Variants in INO80D observed in about 807,000 individuals in gnomAD.
INO80D encodes INO80 complex subunit D.
INO80D carries 21 observed loss-of-function variants against 87.6 expected under a neutral mutation model. That is an observed-to-expected ratio of 0.24 (90% CI 0.17 to 0.35). The LOEUF is 0.35. Ranked by LOEUF, INO80D falls within the 10% of genes least tolerant of loss-of-function variation. INO80D has a pLI of 1.00. For missense variants in INO80D, 982 were observed against 1,280.7 expected (o/e 0.77, Z 3.56); for synonymous variants, 440 against 491.0 (o/e 0.90, Z 1.37).
At position 206,028,029 on chromosome 2, in the gene INO80D, A is replaced by G; in HGVS notation, c.1298+82T>C. ...GTTTAGGACTTAGTGGTCATCTCCC[A>G]CTGTGCCTCAACTATCCTCTCACAA... is the stretch of plus-strand genomic sequence containing the variant. On this transcript the variant is annotated intron_variant, in intron 6 of 10. Coordinates refer to ENST00000403263, the MANE Select transcript of INO80D (RefSeq NM_017759.5). The G allele has an allele frequency of 5.3e-6, 5 of 941,194 alleles. No individual in the cohort carries two copies. The South Asian group carries it at 9.9e-5, about 19-fold the overall frequency. The allele number at this position is 941,194 out of a possible 1,614,324, so 58.3% of individuals were successfully genotyped here. A position where few individuals can be genotyped will look rare whatever the true frequency, so the allele number is the denominator to read the frequency against.
Position 205,999,497 on chromosome 2 carries a change from C to T in INO80D, c.*4871G>A, listed in dbSNP as rs1243643230. 1 of 152,168 alleles carries T rather than the reference C, an allele frequency of 6.6e-6. No homozygotes were observed. The highest frequency in any genetic ancestry group is 1.5e-5 in the Non-Finnish European group (1 of 68,034). 9.4% of individuals were successfully genotyped at this position (152,168 alleles called of 1,614,324 possible). ...AAGTCATACCCAATTTGCTTGCTCTCTCTCTGAAACGTCACATTTCCTCTT... is the reference window on the plus strand; with the variant it reads ...AAGTCATACCCAATTTGCTTGCTCTTTCTCTGAAACGTCACATTTCCTCTT... On this transcript the variant is annotated 3_prime_UTR_variant, in exon 11 of 11. Coordinates refer to ENST00000403263, the MANE Select transcript of INO80D (RefSeq NM_017759.5).
rs1041895977 is a variant in INO80D, at chr2:205,996,486, G to A, written c.*7882C>T. 6.6e-6 allele frequency: 1 copy of A among 151,962 alleles called. No homozygotes were observed. The highest frequency in any genetic ancestry group is 2.4e-5 in the African/African-American group (1 of 41,392). 9.4% of individuals were successfully genotyped at this position (151,962 alleles called of 1,614,324 possible). A position where few individuals can be genotyped will look rare whatever the true frequency, so the allele number is the denominator to read the frequency against. Reference sequence around the variant, plus strand: ...AAGGACTTCCATTTTAGTATGTTCTGATGATGTACTCTAGACTGTCACCTC... The same window carrying A: ...AAGGACTTCCATTTTAGTATGTTCTAATGATGTACTCTAGACTGTCACCTC... On this transcript the variant is annotated 3_prime_UTR_variant, in exon 11 of 11. Coordinates refer to ENST00000403263, the MANE Select transcript of INO80D (RefSeq NM_017759.5).
intron 5 of INO80D, among the ~76,000 whole-genome samples, chr2:206,028,893 T>G (rs548651419): frequency 6.2e-5 from 9 of 144,138 alleles, no homozygotes; most frequent in African/African-American, 2.0e-4. Flanking sequence ...TGTTTTTTTG[T>G]TTTTTTTTTT....
At chr2:206,008,282 C>CTTT (rs376619981) in intron 9 of INO80D, among the ~76,000 whole-genome samples, 2 of 121,194 alleles carry the variant, frequency 1.7e-5, no homozygotes, top group African/African-American at 3.1e-5. Flanking sequence ...CCATGCCTTG[C>CTTT]TTTTTTTTTT....
chr2:206,048,977 G>C (rs1287125485), intron 4 of INO80D, among the ~76,000 whole-genome samples: 2 of 152,202 alleles, frequency 1.3e-5, no homozygotes, highest in African/African-American at 4.8e-5. Flanking sequence ...AAGTGTAACA[G>C]TATGTGGGAC....
At chr2:206,074,478 T>C (rs1172146824) in intron 1 of INO80D, among the ~76,000 whole-genome samples, 1 of 152,104 alleles carries the variant, frequency 6.6e-6, no homozygotes, top group Non-Finnish European at 1.5e-5. Context: ...CCGGGCATGA[T>C]TGCGGGTGCC....
At chr2:206,069,478 G>A (rs1178522509) in intron 1 of INO80D, among the ~76,000 whole-genome samples, 1 of 152,138 alleles carries the variant, frequency 6.6e-6, no homozygotes, top group Admixed American at 6.6e-5. Context: ...AAGTGTGGTG[G>A]CTCATGCCTG....
rs1178013647 is a variant in INO80D, at chr2:205,994,266, G to A, written c.*10102C>T. On this transcript the variant is annotated 3_prime_UTR_variant, in exon 11 of 11. Coordinates refer to ENST00000403263, the MANE Select transcript of INO80D (RefSeq NM_017759.5). The stretch of plus-strand genomic sequence containing the variant: ...TTGTCAGTTTGTAAGTTCCCTTTAA[G>A]CGGCTTTTATATTTTTGTATTTATT... 1 of 152,198 alleles carries A rather than the reference G, an allele frequency of 6.6e-6. No individual in the cohort carries two copies. The highest frequency in any genetic ancestry group is 1.5e-5 in the Non-Finnish European group (1 of 68,042). The allele number at this position is 152,198 out of a possible 1,614,324, so 9.4% of individuals were successfully genotyped here. A position where few individuals can be genotyped will look rare whatever the true frequency, so the allele number is the denominator to read the frequency against.
Position 206,043,069 on chromosome 2 carries a change from T to C in INO80D, c.1073+3435A>G, listed in dbSNP as rs370128956. Among the ~76,000 whole-genome samples the C allele has an allele frequency of 1.3e-4, 20 of 152,372 alleles. No homozygotes were observed. The East Asian group carries it at 1.9e-3, about 15-fold the overall frequency. On this transcript the variant is annotated intron_variant, in intron 5 of 10. Coordinates refer to ENST00000403263, the MANE Select transcript of INO80D (RefSeq NM_017759.5). ...GGCACAAATTTGGTGGCCAGACAACTGTCAGTTTTCTTTTAAAAACTCAAT... is the reference window on the plus strand; with the variant it reads ...GGCACAAATTTGGTGGCCAGACAACCGTCAGTTTTCTTTTAAAAACTCAAT...
At chr2:206,025,745 A>G (rs1279375990) in intron 6 of INO80D, 1 of 151,656 alleles carries the variant, frequency 6.6e-6, no homozygotes, top group African/African-American at 2.4e-5. Flanking sequence ...AATAAACTCA[A>G]TAAAGAAGCT....
chr2:206,025,554 T>A lies in INO80D; in HGVS notation c.1298+2557A>T, dbSNP rs1251848398. 658 of 124,086 alleles carry A rather than the reference T, an allele frequency of 5.3e-3. 9 individuals carry two copies. The highest frequency in any genetic ancestry group is 8.5e-3 in the Non-Finnish European group (491 of 57,646). 7.7% of individuals were successfully genotyped at this position (124,086 alleles called of 1,614,324 possible). On this transcript the variant is annotated intron_variant, in intron 6 of 10. Coordinates refer to ENST00000403263, the MANE Select transcript of INO80D (RefSeq NM_017759.5). Reference sequence around the variant, plus strand: ...AAAAAAAAAAAAAAATATATATATATATATATATATATATAAAATAACTAA... The same window carrying A: ...AAAAAAAAAAAAAAATATATATATAAATATATATATATATAAAATAACTAA...
intron 6 of INO80D, among the ~76,000 whole-genome samples, chr2:206,021,958 A>G (rs1688476726): frequency 6.6e-6 from 1 of 152,146 alleles, no homozygotes; most frequent in African/African-American, 2.4e-5. Flanking sequence ...CCGCTCAGCT[A>G]TCTTCAAAGA....
intron 8 of INO80D, among the ~76,000 whole-genome samples, chr2:206,012,867 C>CAAAAA (rs71035432): frequency 3.5e-4 from 30 of 85,622 alleles, no homozygotes; most frequent in African/African-American, 4.6e-4. Flanking sequence ...AGACTTGTCT[C>CAAAAA]AAAAAAAAAA....
In INO80D at chr2:206,086,088, A is replaced by G. The variant is rs1690464050; in HGVS notation, c.-311T>C. 1.3e-5 allele frequency: 2 copies of G among 152,114 alleles called. No homozygotes were observed. Among genetic ancestry groups the G allele is most frequent in the Non-Finnish European group, 2.9e-5 (2 of 68,040 alleles). The allele number at this position is 152,114 out of a possible 1,614,324, so 9.4% of individuals were successfully genotyped here. A position where few individuals can be genotyped will look rare whatever the true frequency, so the allele number is the denominator to read the frequency against. On this transcript the variant is annotated 5_prime_UTR_variant, in exon 1 of 11. Coordinates refer to ENST00000403263, the MANE Select transcript of INO80D (RefSeq NM_017759.5). ...GGATCATATTTTTATTTTGGAAACT[A>G]AAAAGTGCTCCCAGGGTCGGTGATT...
intron 1 of INO80D, chr2:206,063,740 C>T (rs949029154): frequency 6.6e-6 from 1 of 152,114 alleles, no homozygotes; most frequent in Admixed American, 6.6e-5. Context: ...CCAAATTGAA[C>T]TAAATAACAT....
chr2:206,033,386 A>G (rs1045975406), intron 5 of INO80D, among the ~76,000 whole-genome samples: 1 of 152,202 alleles, frequency 6.6e-6, no homozygotes, highest in Admixed American at 6.5e-5. Flanking sequence ...TATATCAAGT[A>G]TCTCTCAGAC....
chr2:206,007,504 G>A, intron 9 of INO80D, 63 bp from the exon 10 acceptor site: 1 of 1,515,456 alleles, frequency 6.6e-7, no homozygotes. Context: ...ATACCACCAA[G>A]CCAAGTTCAT....
chr2:206,014,966 CTT>C (rs1027671572), intron 8 of INO80D, among the ~76,000 whole-genome samples: 2 of 152,148 alleles, frequency 1.3e-5, no homozygotes, highest in Non-Finnish European at 2.9e-5. Flanking sequence ...AAAGGTGACT[CTT>C]GTTATGTTTT....
intron 9 of INO80D, among the ~76,000 whole-genome samples, chr2:206,009,252 G>A (rs908080141): frequency 7.2e-5 from 11 of 152,202 alleles, no homozygotes; most frequent in African/African-American, 2.7e-4. Flanking sequence ...AGGTTGCAGG[G>A]AGCCGAGATT....
Sources: gnomAD v4.1 joint callset for allele counts (sites outside exome capture counted in the v4.1 genomes callset) on GRCh38, gnomAD v4.1.1 for gene constraint, MANE v1.5 for transcripts, NCBI Gene and HGNC (gene_info 2026-07-23, HGNC 2026-07-21) for gene names.